LRRC4C: variants seen among roughly 807,000 people sequenced by gnomAD.
The protein encoded by LRRC4C is leucine-rich repeat-containing protein 4C.
In LRRC4C, 5 loss-of-function variants were observed where a neutral mutation model predicts 33.6. That is an observed-to-expected ratio of 0.15 (90% CI 0.08 to 0.31). The LOEUF (loss-of-function observed/expected upper bound fraction) is 0.31, where lower values mean the gene tolerates loss of function less well. Ranked by LOEUF, LRRC4C falls within the 10% of genes least tolerant of loss-of-function variation. The pLI is 1.00. For missense variants in LRRC4C, 560 were observed against 796.7 expected (o/e 0.70, Z 3.58); for synonymous variants, 329 against 302.0 (o/e 1.09, Z -0.93).
chr11:40,955,211 A>G (rs1958903476), intron 1 of LRRC4C, among the ~76,000 whole-genome samples: 1 of 151,858 alleles, frequency 6.6e-6, no homozygotes, highest in African/African-American at 2.4e-5. Context: ...AAAACAGCCC[A>G]AGAGATTCAA....
chr11:40,952,931 C>G (rs1176917470), intron 1 of LRRC4C, among the ~76,000 whole-genome samples: 1 of 147,564 alleles, frequency 6.8e-6, no homozygotes, highest in East Asian at 2.0e-4. Flanking sequence ...CTCTTTCTCT[C>G]TTTTCTTTTG....
intron 1 of LRRC4C, among the ~76,000 whole-genome samples, chr11:41,343,214 A>C (rs1170925413): frequency 2.0e-5 from 3 of 152,194 alleles, no homozygotes; most frequent in African/African-American, 7.2e-5. Context: ...GGGGACCACA[A>C]TTCAACCCAC....
Position 40,902,424 on chromosome 11 carries a change from T to C in LRRC4C, c.-407+31211A>G, listed in dbSNP as rs1026839543. Among the ~76,000 whole-genome samples the C allele has an allele frequency of 2.6e-5, 4 of 152,124 alleles. No homozygotes were observed. In the East Asian group the frequency reaches 7.7e-4, roughly 29 times the overall value. ...CCCTATTTCCTGAGACACAACAATA[T>C]TGAAATTAGATCAACGAATGACCTT... On this transcript the variant is annotated intron_variant, in intron 2 of 6. Transcript: ENST00000528697.
intron 4 of LRRC4C, among the ~76,000 whole-genome samples, chr11:40,245,665 C>A (rs1287162649): frequency 3.3e-5 from 5 of 152,058 alleles, no homozygotes; most frequent in Non-Finnish European, 4.4e-5. Context: ...TTGATTTTAT[C>A]ATCATCTCTG....
chr11:40,326,818 T>C (rs115469150), intron 3 of LRRC4C, among the ~76,000 whole-genome samples: 1 of 152,200 alleles, frequency 6.6e-6, no homozygotes. Flanking sequence ...GAGCAATTGA[T>C]CTGAGTTTTT....
intron 1 of LRRC4C, among the ~76,000 whole-genome samples, chr11:41,337,618 T>C (rs548728096): frequency 1.3e-5 from 2 of 152,208 alleles, no homozygotes; most frequent in South Asian, 2.1e-4. Context: ...ATTCAGGACA[T>C]AGGCATGGGC....
chr11:40,708,004 T>C (rs1946256472), intron 2 of LRRC4C, among the ~76,000 whole-genome samples: 1 of 152,200 alleles, frequency 6.6e-6, no homozygotes, highest in South Asian at 2.1e-4. Context: ...TGCACAGAAG[T>C]ATTTATAGTA....
chr11:40,616,916 A>G (rs988769123), intron 3 of LRRC4C, among the ~76,000 whole-genome samples: 10 of 151,728 alleles, frequency 6.6e-5, no homozygotes, highest in Non-Finnish European at 1.3e-4. Flanking sequence ...ATAAAAAAAA[A>G]AACTGCCAAA....
At position 41,422,182 on chromosome 11, in the gene LRRC4C, C is replaced by A. The variant is rs113837839; in HGVS notation, c.-496+37249G>T. On this transcript the variant is annotated intron_variant, in intron 1 of 6. Transcript: ENST00000528697. ...ATTGCTGCCTATTGTCATTGTTCTG[C>A]CTTTTCCACAGTGATGGGACTCTAA... 5.6e-3 allele frequency among the ~76,000 whole-genome samples: 847 copies of A among 151,990 alleles called. 8 individuals are homozygous for A. The highest frequency in any genetic ancestry group is 7.3e-3 in the Non-Finnish European group (497 of 67,930).
At chr11:40,875,176 A>C (rs1362396117) in intron 2 of LRRC4C, among the ~76,000 whole-genome samples, 1 of 152,116 alleles carries the variant, frequency 6.6e-6, no homozygotes, top group Admixed American at 6.6e-5. Flanking sequence ...CACAATAGAA[A>C]TATTTCCAAG....
intron 3 of LRRC4C, among the ~76,000 whole-genome samples, chr11:40,636,957 G>A (rs1941789587): frequency 6.6e-6 from 1 of 152,130 alleles, no homozygotes; most frequent in African/African-American, 2.4e-5. Flanking sequence ...AAGATCTTCA[G>A]TTGACAACAT....
At chr11:40,455,627 G>A (rs568639280) in intron 3 of LRRC4C, among the ~76,000 whole-genome samples, 20 of 152,186 alleles carry the variant, frequency 1.3e-4, no homozygotes, top group African/African-American at 4.6e-4. Flanking sequence ...CCCAATGACA[G>A]AGAGAAAAAG....
intron 1 of LRRC4C, among the ~76,000 whole-genome samples, chr11:41,197,155 A>G (rs1443051726): frequency 6.6e-6 from 1 of 152,068 alleles, no homozygotes; most frequent in African/African-American, 2.4e-5. Context: ...CAATAAAGAA[A>G]GGATTTTTTG....
chr11:40,629,469 T>A (rs1245282302), intron 3 of LRRC4C, among the ~76,000 whole-genome samples: 1 of 152,220 alleles, frequency 6.6e-6, no homozygotes, highest in East Asian at 1.9e-4. Context: ...TTTAAGCGTT[T>A]GTTTCCCAAA....
chr11:41,398,092 A>G (rs1953888380), intron 1 of LRRC4C, among the ~76,000 whole-genome samples: 1 of 151,948 alleles, frequency 6.6e-6, no homozygotes, highest in South Asian at 2.1e-4. Context: ...CAATGTGTAG[A>G]ATTGCCTTAT....
intron 3 of LRRC4C, among the ~76,000 whole-genome samples, chr11:40,436,840 C>A (rs1951160030): frequency 6.6e-6 from 1 of 152,102 alleles, no homozygotes; most frequent in Non-Finnish European, 1.5e-5. Context: ...CTGGAGTTCC[C>A]AACTGAGGCT....
chr11:40,825,103 G>A (rs1043831019), intron 2 of LRRC4C, among the ~76,000 whole-genome samples: 3 of 151,860 alleles, frequency 2.0e-5, no homozygotes, highest in Non-Finnish European at 4.4e-5. Flanking sequence ...ATAAAACTCC[G>A]AGGTAGATGT....
chr11:40,800,098 T>C (rs1222710099), intron 2 of LRRC4C, among the ~76,000 whole-genome samples: 1 of 152,214 alleles, frequency 6.6e-6, no homozygotes, highest in East Asian at 1.9e-4. Context: ...TCTAATCCTA[T>C]AAATTCCTAA....
At chr11:40,820,069 A>G (rs978877621) in intron 2 of LRRC4C, among the ~76,000 whole-genome samples, 1 of 152,082 alleles carries the variant, frequency 6.6e-6, no homozygotes, top group African/African-American at 2.4e-5. Flanking sequence ...GCTGTAGCAC[A>G]TTCTATAAAA....
Sources: gnomAD v4.1 joint callset for allele counts (sites outside exome capture counted in the v4.1 genomes callset) on GRCh38, gnomAD v4.1.1 for gene constraint, MANE v1.5 for transcripts, NCBI Gene and HGNC (gene_info 2026-07-23, HGNC 2026-07-21) for gene names.